The following SHLD1 variants were observed in gnomAD, a reference collection of about 807,000 sequenced individuals.
The protein encoded by SHLD1 is shieldin complex subunit 1.
Under a neutral mutation model 5.5 loss-of-function variants are expected in SHLD1, and 3 were observed. That is an observed-to-expected ratio of 0.54 (90% CI 0.25 to 1.40). The LOEUF is 1.40. Among genes scored for constraint, SHLD1 ranks in the 40% most tolerant of loss-of-function variants. The pLI, the probability that SHLD1 is intolerant of heterozygous loss-of-function variation, is 0.15. For missense variants in SHLD1, 210 were observed against 244.4 expected (o/e 0.86, Z 0.94); for synonymous variants, 92 against 94.3 (o/e 0.98, Z 0.14).
chr20:5,751,468 G>A (rs1983746258), intron 1 of SHLD1, among the ~76,000 whole-genome samples: 1 of 151,978 alleles, frequency 6.6e-6, no homozygotes, highest in Admixed American at 6.6e-5. Flanking sequence ...CACCACGTTC[G>A]ACTAATTTTT....
At chr20:5,848,649 G>A (rs1335612642) in intron 2 of SHLD1, among the ~76,000 whole-genome samples, 1 of 152,202 alleles carries the variant, frequency 6.6e-6, no homozygotes, top group African/African-American at 2.4e-5. Context: ...GAGCTTGGAT[G>A]TTACAGTTCT....
chr20:5,795,504 C>T (rs2087198571), intron 2 of SHLD1, among the ~76,000 whole-genome samples: 1 of 148,052 alleles, frequency 6.8e-6, no homozygotes, highest in South Asian at 2.1e-4. Flanking sequence ...GAGGCTGAGG[C>T]AGGAGAATTG....
Position 5,779,333 on chromosome 20 carries a change from G to A in SHLD1, c.178+6290G>A, listed in dbSNP as rs6053675. ...CTAACAGCCCAACCTGGTTTACTCCGACCTAACCATTTTCCACCTTAAGTT... is the reference window on the plus strand; with the variant it reads ...CTAACAGCCCAACCTGGTTTACTCCAACCTAACCATTTTCCACCTTAAGTT... On this transcript the variant is annotated intron_variant, in intron 2 of 2. Transcript: ENST00000303142. 8.3e-3 allele frequency among the ~76,000 whole-genome samples: 1,262 copies of A among 152,174 alleles called. 15 individuals are homozygous for A. Among genetic ancestry groups the A allele is most frequent in the African/African-American group, 0.029 (1,189 of 41,518 alleles).
chr20:5,862,886 A>G, intron 2 of SHLD1, 138 bp from the exon 3 acceptor site: 2 of 742,738 alleles, frequency 2.7e-6, no homozygotes, highest in South Asian at 1.9e-5. Context: ...AGATTTTGAA[A>G]TCAGCTGATA....
chr20:5,774,373 A>G (rs938998677), intron 2 of SHLD1, among the ~76,000 whole-genome samples: 2 of 152,196 alleles, frequency 1.3e-5, no homozygotes, highest in African/African-American at 4.8e-5. Context: ...CTATGGAGAA[A>G]TATGTTTGGG....
chr20:5,815,023 GTTCTTT>G (rs1194885658), intron 2 of SHLD1, among the ~76,000 whole-genome samples: 1 of 152,246 alleles, frequency 6.6e-6, no homozygotes, highest in Non-Finnish European at 1.5e-5. Context: ...TTGCTCCAGT[GTTCTTT>G]TTCATCACTT....
At chr20:5,800,562 C>T (rs951687812) in intron 2 of SHLD1, among the ~76,000 whole-genome samples, 18 of 152,076 alleles carry the variant, frequency 1.2e-4, no homozygotes, top group African/African-American at 3.4e-4. Context: ...CGGTGGCAGA[C>T]ACCTGTAATC....
intron 2 of SHLD1, among the ~76,000 whole-genome samples, chr20:5,777,522 C>A (rs1421863373): frequency 6.6e-6 from 1 of 151,918 alleles, no homozygotes; most frequent in Non-Finnish European, 1.5e-5. Context: ...TGGACTCAAG[C>A]AATCTTCCCT....
chr20:5,861,863 G>T (rs1195435377), intron 2 of SHLD1, among the ~76,000 whole-genome samples: 1 of 152,198 alleles, frequency 6.6e-6, no homozygotes, highest in Admixed American at 6.5e-5. Context: ...AAATGTCAAA[G>T]CTAGTGATTT....
chr20:5,796,373 A>T (rs545384549), intron 2 of SHLD1, among the ~76,000 whole-genome samples: 4 of 151,946 alleles, frequency 2.6e-5, no homozygotes, highest in African/African-American at 4.8e-5. Flanking sequence ...TAAGAAACAG[A>T]TAATTGCTAA....
At chr20:5,822,775 C>T (rs914726562) in intron 2 of SHLD1, among the ~76,000 whole-genome samples, 7 of 151,984 alleles carry the variant, frequency 4.6e-5, no homozygotes, top group African/African-American at 1.7e-4. Context: ...TCTTGACTGG[C>T]TCATTCTTGG....
At chr20:5,824,625 G>GTT (rs34606054) in intron 2 of SHLD1, among the ~76,000 whole-genome samples, 49 of 125,544 alleles carry the variant, frequency 3.9e-4, no homozygotes, top group African/African-American at 1.3e-3. Flanking sequence ...GTTGTTGTTT[G>GTT]TTTTTTTTTT....
rs144988084 is a variant in SHLD1, at chr20:5,863,467, G to C, written c.*4G>C. On this transcript the variant is annotated 3_prime_UTR_variant, in exon 3 of 3. Coordinates refer to ENST00000303142, the MANE Select transcript of SHLD1 (RefSeq NM_152504.4). The stretch of plus-strand genomic sequence containing the variant: ...GAATGTAATGAAAGACCTGTAACTG[G>C]TGCCGGGCAGTGTGCAGGGTAGTAA... The C allele has an allele frequency of 5.7e-6, 9 of 1,586,718 alleles. No homozygotes were observed. In the African/African-American group the frequency reaches 8.0e-5, roughly 14 times the overall value.
intron 2 of SHLD1, among the ~76,000 whole-genome samples, chr20:5,810,600 C>T (rs1344617843): frequency 6.6e-6 from 1 of 151,938 alleles, no homozygotes; most frequent in South Asian, 2.1e-4. Context: ...TACCAATAGA[C>T]GTATTTCTGT....
At chr20:5,766,380 G>A (rs780250193) in intron 1 of SHLD1, among the ~76,000 whole-genome samples, 6 of 152,192 alleles carry the variant, frequency 3.9e-5, no homozygotes, top group Non-Finnish European at 8.8e-5. Context: ...ACAACAGCAC[G>A]TGACTGGGTG....
At position 5,855,772 on chromosome 20, in the gene SHLD1, C is replaced by T. The variant is rs765606056; in HGVS notation, c.179-7252C>T. On this transcript the variant is annotated intron_variant, in intron 2 of 2. Transcript: ENST00000303142. The surrounding 1 kb of genome is among the most constrained non-coding windows in gnomAD (Gnocchi z 4.4). ...AGAAATGCAATTTGAAATAGTGTGC[C>T]CAGGAAATGTATGGTAAACTGAATT... 9.9e-5 allele frequency among the ~76,000 whole-genome samples: 15 copies of T among 152,128 alleles called. No individual in the cohort carries two copies. The highest frequency in any genetic ancestry group is 1.6e-4 in the Non-Finnish European group (11 of 68,032).
chr20:5,763,443 T>C (rs1984593315), intron 1 of SHLD1, among the ~76,000 whole-genome samples: 1 of 152,170 alleles, frequency 6.6e-6, no homozygotes, highest in Non-Finnish European at 1.5e-5. Context: ...TTCCTTTTGT[T>C]CCTAAGTAGA....
At position 5,856,652 on chromosome 20, in the gene SHLD1, T is replaced by C. The variant is rs1486189314; in HGVS notation, c.179-6372T>C. Among the ~76,000 whole-genome samples the C allele has an allele frequency of 2.6e-5, 4 of 152,212 alleles. No homozygotes were observed. The South Asian group carries it at 6.2e-4, about 24-fold the overall frequency. The stretch of plus-strand genomic sequence containing the variant: ...CTTCTGTCATAAGATGAATAGTGCA[T>C]CAAGAGTTGCTGATAAGTGATCATT... On this transcript the variant is annotated intron_variant, in intron 2 of 2. Transcript: ENST00000303142.
At chr20:5,858,021 C>A (rs1267970079) in intron 2 of SHLD1, among the ~76,000 whole-genome samples, 1 of 151,482 alleles carries the variant, frequency 6.6e-6, no homozygotes, top group Non-Finnish European at 1.5e-5. Flanking sequence ...ATCACTTGAA[C>A]CCCGGAGGCA....
Sources: gnomAD v4.1 joint callset for allele counts (sites outside exome capture counted in the v4.1 genomes callset) on GRCh38, gnomAD v4.1.1 for gene constraint, Gnocchi (gnomAD v3.1) non-coding constraint, MANE v1.5 for transcripts, NCBI Gene and HGNC (gene_info 2026-07-23, HGNC 2026-07-21) for gene names.